TRIM4: variants seen among roughly 807,000 people sequenced by gnomAD.
The protein encoded by TRIM4 is tripartite motif containing 4.
In TRIM4, 29 loss-of-function variants were observed where a neutral mutation model predicts 33.7. The ratio of observed to expected loss-of-function variants is 0.86; its 90% confidence interval spans 0.64 to 1.17. The LOEUF is 1.17. TRIM4 is among the 50% of genes most tolerant of loss of function. TRIM4 has a pLI of 0.00. For synonymous variants in TRIM4, 224 were observed against 233.0 expected, an observed-to-expected ratio of 0.96 and a Z score of 0.35; for missense variants, 554 against 593.7, an observed-to-expected ratio of 0.93 and a Z score of 0.69.
intron 5 of TRIM4, among the ~76,000 whole-genome samples, chr7:99,893,814 ATGTCCTCCC>A (rs1818951198): frequency 6.6e-6 from 1 of 151,928 alleles, no homozygotes; most frequent in Non-Finnish European, 1.5e-5. Flanking sequence ...TGTGTTAATA[ATGTCCTCCC>A]TGGCCTCCCT....
At chr7:99,895,335 T>A (rs1325840739) in intron 5 of TRIM4, among the ~76,000 whole-genome samples, 1 of 152,204 alleles carries the variant, frequency 6.6e-6, no homozygotes, top group Non-Finnish European at 1.5e-5. Flanking sequence ...AAAAGTCTAT[T>A]ATTTAGATTC....
At chr7:99,899,338 C>T (rs1329142455) in intron 5 of TRIM4, among the ~76,000 whole-genome samples, 3 of 152,232 alleles carry the variant, frequency 2.0e-5, no homozygotes, top group African/African-American at 7.2e-5. Flanking sequence ...CTATATATAA[C>T]CTGCATGCTT....
rs1259890507 is a variant in TRIM4, at chr7:99,891,526, A to T, written c.*637T>A. On this transcript the variant is annotated 3_prime_UTR_variant, in exon 6 of 6. Coordinates refer to ENST00000349062, the MANE Select transcript of TRIM4 (RefSeq NM_033091.3). ...GAGAGAGTGCAACATAGGCAGAGTG[A>T]GGGGGGATTCCCACAATTTTCTAAG... 6.6e-6 allele frequency: 1 copy of T among 152,376 alleles called. No individual in the cohort carries two copies. Among genetic ancestry groups the T allele is most frequent in the African/African-American group, 2.4e-5 (1 of 41,456 alleles). The allele number at this position is 152,376 out of a possible 1,614,324, so 9.4% of individuals were successfully genotyped here.
chr7:99,899,709 A>C (rs1158260035), intron 5 of TRIM4, among the ~76,000 whole-genome samples: 1 of 152,186 alleles, frequency 6.6e-6, no homozygotes, highest in African/African-American at 2.4e-5. Context: ...CTCCAAAGGA[A>C]CAGAACCAAA....
chr7:99,903,152 C>T, intron 5 of TRIM4, 66 bp downstream of exon 5: 2 of 1,259,380 alleles, frequency 1.6e-6, no homozygotes, highest in Non-Finnish European at 2.2e-6. Context: ...CCTCTCCAGA[C>T]TTCTCTCTTT....
At chr7:99,898,900 A>C (rs1042443415) in intron 5 of TRIM4, among the ~76,000 whole-genome samples, 2 of 152,224 alleles carry the variant, frequency 1.3e-5, no homozygotes, top group Non-Finnish European at 2.9e-5. Context: ...AGTGCTTGGA[A>C]AAGCTTTCTG....
chr7:99,911,980 T>C (rs930284551), intron 1 of TRIM4, among the ~76,000 whole-genome samples: 1 of 152,164 alleles, frequency 6.6e-6, no homozygotes, highest in Admixed American at 6.5e-5. Flanking sequence ...AAAATCAATA[T>C]GCTGAGCAAA....
intron 1 of TRIM4, among the ~76,000 whole-genome samples, chr7:99,915,152 T>C (rs922510031): frequency 5.9e-5 from 9 of 152,162 alleles, no homozygotes; most frequent in African/African-American, 2.2e-4. Context: ...GCCATCACCA[T>C]CTGTGATTAT....
intron 1 of TRIM4, among the ~76,000 whole-genome samples, chr7:99,915,076 C>T (rs1819524722): frequency 6.6e-6 from 1 of 152,200 alleles, no homozygotes; most frequent in African/African-American, 2.4e-5. Context: ...TCCCAAAGTG[C>T]TGGGATTACA....
chr7:99,892,769 G>C (rs972672124), intron 5 of TRIM4, 23 bp from the exon 6 acceptor site: 4 of 1,582,298 alleles, frequency 2.5e-6, no homozygotes, highest in Non-Finnish European at 3.4e-6. Flanking sequence ...TGAGAGCTAA[G>C]TAGTGCAGCA....
intron 1 of TRIM4, among the ~76,000 whole-genome samples, chr7:99,915,526 A>G (rs913750814): frequency 6.6e-6 from 1 of 152,178 alleles, no homozygotes; most frequent in African/African-American, 2.4e-5. Flanking sequence ...GGGAACTTCC[A>G]GCTATCCAAC....
Position 99,897,590 on chromosome 7 carries a change from A to G in TRIM4, c.842-4844T>C, listed in dbSNP as rs1010138369. Among the ~76,000 whole-genome samples, 6 of 152,184 alleles carry G rather than the reference A, an allele frequency of 3.9e-5. No individual in the cohort carries two copies. In the East Asian group the frequency reaches 9.6e-4, roughly 24 times the overall value. ...TAGCAACTAAAAAAAAGAACAAAAG[A>G]TTTCTCAAGTCGGTTCTTGCACTCC... On this transcript the variant is annotated intron_variant, in intron 5 of 5. Transcript: ENST00000349062.
chr7:99,917,731 TAATAA>T (rs1286997786), intron 1 of TRIM4: 1 of 832,484 alleles, frequency 1.2e-6, no homozygotes, highest in Non-Finnish European at 1.4e-6. Flanking sequence ...AAAACAATAA[TAATAA>T]AATAAATAAA....
chr7:99,914,029 A>C (rs1819499705), intron 1 of TRIM4, among the ~76,000 whole-genome samples: 2 of 152,210 alleles, frequency 1.3e-5, no homozygotes, highest in South Asian at 4.1e-4. Context: ...TAACTTCTGC[A>C]ATTGATCCAA....
intron 5 of TRIM4, among the ~76,000 whole-genome samples, chr7:99,902,372 C>T (rs1023972589): frequency 3.9e-5 from 6 of 152,072 alleles, no homozygotes; most frequent in African/African-American, 1.2e-4. Context: ...CTCAGCCTCC[C>T]GAGTAGCTGG....
At chr7:99,900,105 A>G (rs1563084450) in intron 5 of TRIM4, among the ~76,000 whole-genome samples, 1 of 152,142 alleles carries the variant, frequency 6.6e-6, no homozygotes, top group Non-Finnish European at 1.5e-5. Flanking sequence ...GATTTAATAT[A>G]AGGAACTGGC....
At chr7:99,895,114 T>C in intron 5 of TRIM4, among the ~76,000 whole-genome samples, 1 of 152,230 alleles carries the variant, frequency 6.6e-6, no homozygotes, top group East Asian at 1.9e-4. Context: ...CTTTGGGCTT[T>C]ACTTGCTCCT....
At position 99,914,645 on chromosome 7, in the gene TRIM4, C is replaced by A. The variant is rs73711681; in HGVS notation, c.393+4364G>T. Reference sequence around the variant, plus strand: ...GCTCTTGGTCCTCCAGGTGCAGAGACCTTCTTCCTACCCCATAAACATATC... The same window carrying A: ...GCTCTTGGTCCTCCAGGTGCAGAGAACTTCTTCCTACCCCATAAACATATC... On this transcript the variant is annotated intron_variant, in intron 1 of 5. Coordinates refer to ENST00000349062, the MANE Select transcript of TRIM4 (RefSeq NM_033091.3). Among the ~76,000 whole-genome samples the A allele has an allele frequency of 2.5e-3, 384 of 152,166 alleles. 1 individual carries two copies. The highest frequency in any genetic ancestry group is 8.4e-3 in the African/African-American group (349 of 41,506).
chr7:99,916,722 A>C, intron 1 of TRIM4: 1 of 781,072 alleles, frequency 1.3e-6, no homozygotes, highest in Non-Finnish European at 2.4e-6. Flanking sequence ...AAATGGTACA[A>C]GAGCAGCCTA....
Sources: allele counts gnomAD v4.1 joint callset (sites outside exome capture counted in the v4.1 genomes callset), GRCh38; gene constraint gnomAD v4.1.1; transcripts MANE v1.5; gene names NCBI Gene and HGNC (gene_info 2026-07-23, HGNC 2026-07-21).